APBA2: variants seen among roughly 807,000 people sequenced by gnomAD.
APBA2 encodes amyloid-beta A4 precursor protein-binding family A member 2.
In APBA2, 30 loss-of-function variants were observed where a neutral mutation model predicts 75.0. That is an observed-to-expected ratio of 0.40 (90% CI 0.30 to 0.54). APBA2 has a LOEUF of 0.54. APBA2 is among the 20% of genes least tolerant of loss of function. APBA2 has a pLI of 0.49. For missense variants in APBA2, 801 were observed against 1,016.1 expected (o/e 0.79, Z 2.88); for synonymous variants, 444 against 409.6 (o/e 1.08, Z -1.01).
intron 2 of APBA2, among the ~76,000 whole-genome samples, chr15:28,974,225 A>T (rs1163673743): frequency 6.6e-6 from 1 of 152,230 alleles, no homozygotes; most frequent in Non-Finnish European, 1.5e-5. Flanking sequence ...GGCCAAAAGC[A>T]TTAATGGAAA....
chr15:28,899,051 C>T (rs566752522), intron 1 of APBA2, among the ~76,000 whole-genome samples: 1 of 152,206 alleles, frequency 6.6e-6, no homozygotes, highest in East Asian at 1.9e-4. Context: ...AAGTATCAAA[C>T]GTTATGTGGT....
intron 3 of APBA2, among the ~76,000 whole-genome samples, chr15:28,999,606 C>A (rs984768476): frequency 6.6e-6 from 1 of 152,048 alleles, no homozygotes; most frequent in Non-Finnish European, 1.5e-5. Flanking sequence ...AGTTAGTAAA[C>A]CCCTTTAGAG....
At chr15:29,083,427 C>A (rs1300249240) in intron 6 of APBA2, among the ~76,000 whole-genome samples, 1 of 152,108 alleles carries the variant, frequency 6.6e-6, no homozygotes, top group Non-Finnish European at 1.5e-5. Context: ...GACCTTGCCA[C>A]CATCATTCCA....
chr15:29,003,659 T>C (rs1204117574), intron 3 of APBA2, among the ~76,000 whole-genome samples: 1 of 152,206 alleles, frequency 6.6e-6, no homozygotes, highest in Non-Finnish European at 1.5e-5. Flanking sequence ...GTGAGGAATC[T>C]GCACACGTGG....
At chr15:28,944,827 A>G (rs1309310169) in intron 2 of APBA2, among the ~76,000 whole-genome samples, 3 of 152,236 alleles carry the variant, frequency 2.0e-5, no homozygotes, top group Admixed American at 2.0e-4. Context: ...CCCTGCAGAA[A>G]GGTCCGGGCA....
chr15:29,090,825 G>C (rs76473789), intron 6 of APBA2, among the ~76,000 whole-genome samples: 2 of 152,122 alleles, frequency 1.3e-5, no homozygotes, highest in Non-Finnish European at 2.9e-5. Flanking sequence ...AGTAGAAACA[G>C]GCCTACCTCA....
chr15:28,946,549 C>G (rs1017821748), intron 2 of APBA2, among the ~76,000 whole-genome samples: 1 of 152,094 alleles, frequency 6.6e-6, no homozygotes, highest in Non-Finnish European at 1.5e-5. Context: ...AGGAGACCTG[C>G]GTGGGATTCC....
chr15:28,969,774 G>A (rs888328478), intron 2 of APBA2, among the ~76,000 whole-genome samples: 1 of 152,226 alleles, frequency 6.6e-6, no homozygotes, highest in Admixed American at 6.5e-5. Flanking sequence ...ACAAAATTCT[G>A]TGCGGGGGCT....
At chr15:29,071,232 G>A (rs531602459) in intron 4 of APBA2, 1 of 366,068 alleles carries the variant, frequency 2.7e-6, no homozygotes, top group East Asian at 7.5e-5. Flanking sequence ...ACCACCTGGA[G>A]CCAAGGTGTT....
In APBA2 at chr15:29,080,808, G is replaced by A. The variant is rs561652078; in HGVS notation, c.1069+4717G>A. ...AAGGCTGATGTTAGTCCCAAGCAATGGGGCCTAACAGTGGCAGCTTCAGTA... is the reference window on the plus strand; with the variant it reads ...AAGGCTGATGTTAGTCCCAAGCAATAGGGCCTAACAGTGGCAGCTTCAGTA... On this transcript the variant is annotated intron_variant, in intron 6 of 14. Coordinates refer to ENST00000683413, the MANE Select transcript of APBA2 (RefSeq NM_001353788.2). Among the ~76,000 whole-genome samples, 180 of 152,310 alleles carry A rather than the reference G, an allele frequency of 1.2e-3. 9 individuals are homozygous for A. In the South Asian group the frequency reaches 0.037, roughly 31 times the overall value.
At chr15:28,891,430 G>A (rs1224926446) in intron 1 of APBA2, among the ~76,000 whole-genome samples, 2 of 152,128 alleles carry the variant, frequency 1.3e-5, no homozygotes, top group Admixed American at 6.5e-5. Context: ...ACTAGGACTC[G>A]TGACCACTGG....
intron 13 of APBA2, among the ~76,000 whole-genome samples, chr15:29,113,437 A>G (rs1020376247): frequency 1.2e-4 from 18 of 152,152 alleles, no homozygotes; most frequent in Non-Finnish European, 2.2e-4. Flanking sequence ...CCCTTGACAG[A>G]ACAGATGCCC....
chr15:28,886,664 C>T (rs973350982), intron 1 of APBA2, among the ~76,000 whole-genome samples: 4 of 152,160 alleles, frequency 2.6e-5, no homozygotes, highest in Non-Finnish European at 4.4e-5. Context: ...GCACCGGCAT[C>T]AAGTCCCCGT....
Position 29,046,031 on chromosome 15 carries a change from T to G in APBA2, c.-40-7814T>G, listed in dbSNP as rs1266324841. Reference sequence around the variant, plus strand: ...TTGGAGATTCTTTGACCAGACGTTTTGAGAGTCTGGCAGCCCGGAAAGGTG... The same window carrying G: ...TTGGAGATTCTTTGACCAGACGTTTGGAGAGTCTGGCAGCCCGGAAAGGTG... On this transcript the variant is annotated intron_variant, in intron 3 of 14. Transcript: ENST00000683413. The surrounding 1 kb of genome is among the most constrained non-coding windows in gnomAD (Gnocchi z 5.0). Among the ~76,000 whole-genome samples the G allele has an allele frequency of 1.3e-5, 2 of 152,158 alleles. No homozygotes were observed. The highest frequency in any genetic ancestry group is 2.9e-5 in the Non-Finnish European group (2 of 68,024).
intron 1 of APBA2, among the ~76,000 whole-genome samples, chr15:28,906,557 A>G (rs1027184078): frequency 1.3e-5 from 2 of 152,180 alleles, no homozygotes; most frequent in African/African-American, 4.8e-5. Flanking sequence ...GTGTCAACAG[A>G]TATTGCCAAG....
At chr15:28,937,192 G>A (rs1025918408) in intron 2 of APBA2, among the ~76,000 whole-genome samples, 1 of 151,898 alleles carries the variant, frequency 6.6e-6, no homozygotes, top group African/African-American at 2.4e-5. Flanking sequence ...GCCAGGAGGG[G>A]CACCAGAAGA....
At chr15:29,080,574 C>T (rs544490114) in intron 6 of APBA2, among the ~76,000 whole-genome samples, 3 of 152,234 alleles carry the variant, frequency 2.0e-5, no homozygotes, top group African/African-American at 7.2e-5. Flanking sequence ...AGAAAACCTC[C>T]TTATGAAAGT....
At chr15:28,934,744 T>C (rs2034758730) in intron 2 of APBA2, among the ~76,000 whole-genome samples, 1 of 152,160 alleles carries the variant, frequency 6.6e-6, no homozygotes, top group African/African-American at 2.4e-5. Flanking sequence ...CATGCTGTGC[T>C]TGGTAAGCTC....
At position 29,054,561 on chromosome 15, in the gene APBA2, T is replaced by C. The variant is rs1259132664; in HGVS notation, c.677T>C (p.Ile226Thr). 6.2e-7 allele frequency: 1 copy of C among 1,613,696 alleles called. No individual in the cohort carries two copies. Among genetic ancestry groups the C allele is most frequent in the Admixed American group, 1.7e-5 (1 of 59,942 alleles). ...DGDLEDQEEDIDQIVAEIKMS... is the reference protein window; with the variant it reads ...DGDLEDQEEDTDQIVAEIKMS... The stretch of plus-strand genomic sequence containing the variant: ...GACCTGGAGGACCAGGAGGAGGACA[T>C]TGACCAGATCGTGGCAGAGATCAAG... Residue 226 changes from isoleucine to threonine, a missense_variant, in exon 4 of 15, where the codon ATT (isoleucine) becomes ACT (threonine). Around this residue, in one of 2 missense-constraint regions of APBA2, gnomAD observed 434 missense variants for 471.6 expected, o/e 0.92. Coordinates refer to ENST00000683413, the MANE Select transcript of APBA2 (RefSeq NM_001353788.2). This position sits in a 1 kb window ranked among gnomAD's most constrained non-coding sequence, Gnocchi z 6.1.
Sources: allele counts gnomAD v4.1 joint callset (sites outside exome capture counted in the v4.1 genomes callset), GRCh38; gene constraint gnomAD v4.1.1; regional missense constraint gnomAD v4.1.1; non-coding constraint Gnocchi (gnomAD v3.1); transcripts MANE v1.5; gene names NCBI Gene and HGNC (gene_info 2026-07-23, HGNC 2026-07-21).